The following ANKIB1 variants were observed in gnomAD, a reference collection of about 807,000 sequenced individuals.
ANKIB1 encodes ankyrin repeat and IBR domain-containing protein 1.
ANKIB1 carries 43 observed loss-of-function variants against 122.1 expected under a neutral mutation model. The observed-to-expected ratio is 0.35, with a 90% confidence interval of 0.28 to 0.45. ANKIB1 has a LOEUF of 0.45. ANKIB1 is among the 20% of genes least tolerant of loss of function. The probability of loss-of-function intolerance (pLI) is 1.00; values close to 1 mark genes in which losing one functional copy is unlikely to be tolerated. For synonymous variants in ANKIB1, 390 were observed against 442.0 expected, an observed-to-expected ratio of 0.88 and a Z score of 1.48; for missense variants, 992 against 1,329.5, an observed-to-expected ratio of 0.75 and a Z score of 3.95.
rs372670408 is a variant in ANKIB1, at chr7:92,343,935, C to T, written c.996+703C>T. ...TAACTGGCATATCATTGGTGTGCTA[C>T]TATAGGAGATTTTAATATTTCTTGA... On this transcript the variant is annotated intron_variant, in intron 6 of 19. Transcript: ENST00000265742. Among the ~76,000 whole-genome samples the T allele has an allele frequency of 3.2e-4, 48 of 152,092 alleles. 1 individual carries two copies. The highest frequency in any genetic ancestry group is 9.9e-4 in the African/African-American group (41 of 41,478).
At chr7:92,397,993 G>A in intron 19 of ANKIB1, 134 bp downstream of exon 19, 1 of 1,307,950 alleles carries the variant, frequency 7.6e-7, no homozygotes, top group East Asian at 2.6e-5. Context: ...ATGTGCTGCA[G>A]GAAAAGATAT....
chr7:92,305,808 A>G (rs1802546989), intron 2 of ANKIB1, among the ~76,000 whole-genome samples: 1 of 152,204 alleles, frequency 6.6e-6, no homozygotes, highest in Admixed American at 6.5e-5. Context: ...TGGACAAAAA[A>G]TGAGCTTTGG....
chr7:92,295,976 TTA>T, intron 2 of ANKIB1, among the ~76,000 whole-genome samples: 1 of 152,188 alleles, frequency 6.6e-6, no homozygotes, highest in Non-Finnish European at 1.5e-5. Flanking sequence ...AAAAAAATGC[TTA>T]TTTTCTTATG....
At chr7:92,389,788 C>A (rs993122230) in intron 14 of ANKIB1, among the ~76,000 whole-genome samples, 183 bp from the exon 15 acceptor site, 2 of 152,120 alleles carry the variant, frequency 1.3e-5, no homozygotes, top group Non-Finnish European at 2.9e-5. Context: ...ACATGTCACA[C>A]ATGAGTATTT....
intron 11 of ANKIB1, among the ~76,000 whole-genome samples, chr7:92,377,163 G>A (rs902917870): frequency 2.0e-5 from 3 of 152,124 alleles, no homozygotes; most frequent in East Asian, 1.9e-4. Context: ...AGGGAGAGAT[G>A]TAAGGCTCTT....
At chr7:92,328,809 A>G (rs946316437) in intron 5 of ANKIB1, among the ~76,000 whole-genome samples, 1 of 151,436 alleles carries the variant, frequency 6.6e-6, no homozygotes, top group Admixed American at 6.6e-5. Flanking sequence ...TAATCTTTTG[A>G]TCAGAAGAAA....
intron 7 of ANKIB1, chr7:92,347,811 A>G: frequency 4.8e-6 from 1 of 210,180 alleles, no homozygotes; most frequent in Non-Finnish European, 9.7e-6. Flanking sequence ...CCTAATCTAT[A>G]AAGTGGTGAT....
rs35766675 is a variant in ANKIB1 at position 92,288,035 on chromosome 7, C to CAA, written c.-90-6833_-90-6832dup. On this transcript the variant is annotated intron_variant, in intron 1 of 19. Coordinates refer to ENST00000265742, the MANE Select transcript of ANKIB1 (RefSeq NM_019004.2). ...TGGGCGACAGAGCAAGACTCCGTCT[C>CAA]AAAAAAAAAAAAAAAAAAAAAACTG... is the stretch of plus-strand genomic sequence containing the variant. 2.6e-3 allele frequency among the ~76,000 whole-genome samples: 236 copies of CAA among 89,962 alleles called. 2 individuals are homozygous for CAA. The highest frequency in any genetic ancestry group is 0.011 in the Middle Eastern group (2 of 176). The allele number at this position is 89,962 out of a possible 152,430, so 59.0% of individuals were successfully genotyped here. A position where few individuals can be genotyped will look rare whatever the true frequency, so the allele number is the denominator to read the frequency against.
chr7:92,285,928 T>G (rs1017996386), intron 1 of ANKIB1, among the ~76,000 whole-genome samples: 1 of 152,236 alleles, frequency 6.6e-6, no homozygotes, highest in African/African-American at 2.4e-5. Context: ...AAAAACACTT[T>G]GATGATTTAG....
intron 17 of ANKIB1, among the ~76,000 whole-genome samples, chr7:92,394,189 G>A (rs1167266584): frequency 6.6e-6 from 1 of 152,052 alleles, no homozygotes; most frequent in Non-Finnish European, 1.5e-5. Context: ...AGTTCTAGAA[G>A]GATTAAAGCA....
At chr7:92,339,329 A>C (rs929045995) in intron 5 of ANKIB1, among the ~76,000 whole-genome samples, 7 of 152,044 alleles carry the variant, frequency 4.6e-5, no homozygotes, top group African/African-American at 1.7e-4. Flanking sequence ...GGCGTGAGCC[A>C]CCGCACCTGG....
intron 11 of ANKIB1, among the ~76,000 whole-genome samples, chr7:92,372,636 T>C (rs1281332317): frequency 6.6e-6 from 1 of 151,272 alleles, no homozygotes; most frequent in Non-Finnish European, 1.5e-5. Context: ...ATATAAATGA[T>C]TAATGTTAGA....
chr7:92,273,260 G>A (rs1801834964), intron 1 of ANKIB1, among the ~76,000 whole-genome samples: 1 of 152,138 alleles, frequency 6.6e-6, no homozygotes, highest in Non-Finnish European at 1.5e-5. Flanking sequence ...TAAACAATTA[G>A]AATGATTTAT....
intron 1 of ANKIB1, among the ~76,000 whole-genome samples, chr7:92,271,173 T>C (rs912709915): frequency 1.6e-4 from 24 of 152,106 alleles, no homozygotes; most frequent in Admixed American, 7.9e-4. Context: ...ACTTTTTTTT[T>C]CCCCATGTGG....
intron 3 of ANKIB1, among the ~76,000 whole-genome samples, chr7:92,310,493 C>T (rs936923546): frequency 2.0e-4 from 31 of 152,100 alleles, no homozygotes; most frequent in African/African-American, 6.7e-4. Context: ...CTAATTAAAC[C>T]AGAAGAGTTT....
chr7:92,344,837 C>T, intron 6 of ANKIB1, 141 bp from the exon 7 acceptor site: 1 of 586,018 alleles, frequency 1.7e-6, no homozygotes, highest in South Asian at 2.4e-5. Flanking sequence ...ACTAACTGTC[C>T]TTAAAACTTT....
intron 3 of ANKIB1, among the ~76,000 whole-genome samples, chr7:92,315,454 G>A (rs1802777217): frequency 1.3e-5 from 2 of 152,264 alleles, no homozygotes; most frequent in South Asian, 4.1e-4. Flanking sequence ...GATGAGAGAT[G>A]CAAGGAAAAG....
At chr7:92,355,945 G>A (rs1170819156) in intron 9 of ANKIB1, among the ~76,000 whole-genome samples, 9 of 151,688 alleles carry the variant, frequency 5.9e-5, no homozygotes, top group South Asian at 4.2e-4. Flanking sequence ...TTTATTTACT[G>A]AAACTGTGCA....
At position 92,291,438 on chromosome 7, in the gene ANKIB1, A is replaced by G. The variant is rs373488847; in HGVS notation, c.-90-3451A>G. On this transcript the variant is annotated intron_variant, in intron 1 of 19. Coordinates refer to ENST00000265742, the MANE Select transcript of ANKIB1 (RefSeq NM_019004.2). Reference sequence around the variant, plus strand: ...TCTCATGTACTCCCTAAATATATACACCTACTATGTATCCACAAAAGTAAA... The same window carrying G: ...TCTCATGTACTCCCTAAATATATACGCCTACTATGTATCCACAAAAGTAAA... Among the ~76,000 whole-genome samples the G allele has an allele frequency of 2.0e-4, 31 of 152,204 alleles. No homozygotes were observed. In the East Asian group the frequency reaches 5.8e-3, roughly 28 times the overall value.
Sources: gnomAD v4.1 joint callset for allele counts (sites outside exome capture counted in the v4.1 genomes callset) on GRCh38, gnomAD v4.1.1 for gene constraint, MANE v1.5 for transcripts, NCBI Gene and HGNC (gene_info 2026-07-23, HGNC 2026-07-21) for gene names.